GAPVD1: variants seen among roughly 807,000 people sequenced by gnomAD.
GAPVD1 encodes GTPase-activating protein and VPS9 domain-containing protein 1.
A neutral mutation model predicts 155.5 loss-of-function variants in GAPVD1; 35 were observed. That is an observed-to-expected ratio of 0.23 (90% CI 0.17 to 0.30). GAPVD1 has a LOEUF of 0.30. Among genes scored for constraint, GAPVD1 ranks in the 10% least tolerant of loss-of-function variants. The probability of loss-of-function intolerance (pLI) is 1.00; values close to 1 mark genes in which losing one functional copy is unlikely to be tolerated. For missense variants in GAPVD1, 1,429 were observed against 1,775.7 expected, an observed-to-expected ratio of 0.80 and a Z score of 3.51; for synonymous variants, 636 against 619.7, an observed-to-expected ratio of 1.03 and a Z score of -0.39.
intron 2 of GAPVD1, among the ~76,000 whole-genome samples, chr9:125,282,905 AAGT>A (rs1323647370): frequency 6.6e-6 from 1 of 152,124 alleles, no homozygotes; most frequent in Non-Finnish European, 1.5e-5. Flanking sequence ...GAAATTAAGA[AAGT>A]AGGAAATGGT....
At chr9:125,301,607 C>T (rs1014199119) in intron 4 of GAPVD1, among the ~76,000 whole-genome samples, 1 of 151,776 alleles carries the variant, frequency 6.6e-6, no homozygotes, top group Non-Finnish European at 1.5e-5. Context: ...TGCCACCATG[C>T]CTGGCTAATT....
At chr9:125,263,221 G>A (rs1036232079) in intron 1 of GAPVD1, among the ~76,000 whole-genome samples, 4 of 152,172 alleles carry the variant, frequency 2.6e-5, no homozygotes, top group Non-Finnish European at 5.9e-5. Flanking sequence ...AGGCCGAGGC[G>A]GGCGGATCAT....
intron 2 of GAPVD1, among the ~76,000 whole-genome samples, chr9:125,282,651 A>G (rs1160189006): frequency 6.6e-6 from 1 of 152,158 alleles, no homozygotes; most frequent in Non-Finnish European, 1.5e-5. Flanking sequence ...CCTACCTTTT[A>G]ATTGATAAGA....
At position 125,354,538 on chromosome 9, in the gene GAPVD1, A is replaced by G. The variant is rs937482; in HGVS notation, c.3570-116A>G. 0.48 allele frequency: 314,118 copies of G among 651,258 alleles called. 76,799 individuals carry two copies. Among genetic ancestry groups the G allele is most frequent in the South Asian group, 0.54 (27,015 of 50,008 alleles). The allele number at this position is 651,258 out of a possible 1,614,324, so 40.3% of individuals were successfully genotyped here. On this transcript the variant is annotated intron_variant, in intron 23 of 27. Coordinates refer to ENST00000297933, the MANE Select transcript of GAPVD1 (RefSeq NM_001282680.3). ...CTACTGAAGAGAGCACAGACATGCT[A>G]CTTTGTAAAACCAGTCTGTGCAGTA...
intron 2 of GAPVD1, among the ~76,000 whole-genome samples, chr9:125,270,914 A>T (rs552006576): frequency 6.6e-6 from 1 of 152,252 alleles, no homozygotes; most frequent in East Asian, 1.9e-4. Context: ...GTGCCATTGC[A>T]CTCCAGCCTG....
chr9:125,316,238 A>T (rs891799539), intron 9 of GAPVD1, among the ~76,000 whole-genome samples: 2 of 152,056 alleles, frequency 1.3e-5, no homozygotes, highest in African/African-American at 4.8e-5. Flanking sequence ...AAGTTCTGGG[A>T]TACATGTGCA....
chr9:125,290,223 G>A (rs1372685044), intron 2 of GAPVD1, among the ~76,000 whole-genome samples: 2 of 152,088 alleles, frequency 1.3e-5, no homozygotes, highest in Non-Finnish European at 2.9e-5. Flanking sequence ...GAAGCTGAGA[G>A]GGGAAAGTGA....
In GAPVD1 at chr9:125,302,555, C is replaced by T; in HGVS notation, c.758C>T (p.Ser253Phe). Residue 253 changes from serine to phenylalanine, a missense_variant, in exon 5 of 28, where the codon TCC (serine) becomes TTC (phenylalanine). Ser to Phe is a radical substitution (Grantham distance 155). Coordinates refer to ENST00000297933, the MANE Select transcript of GAPVD1 (RefSeq NM_001282680.3). ...CAAAAAGTTCAAGAAATGGTGGAGT[C>T]CAATGAAGCAAAGCTAGTGGCTTTG... ...FRQKVQEMVE[S>F]NEAKLVALVN... 6.2e-7 allele frequency: 1 copy of T among 1,613,690 alleles called. No individual in the cohort carries two copies. Among genetic ancestry groups the T allele is most frequent in the Non-Finnish European group, 8.5e-7 (1 of 1,179,636 alleles).
At chr9:125,350,543 G>A (rs1477507582) in intron 22 of GAPVD1, 139 bp downstream of exon 22, 2 of 710,188 alleles carry the variant, frequency 2.8e-6, no homozygotes, top group Admixed American at 2.7e-5. Context: ...TCACTTAAGG[G>A]CACTTTGATT....
At chr9:125,341,860 A>T in intron 18 of GAPVD1, 1 of 165,518 alleles carries the variant, frequency 6.0e-6, no homozygotes, top group East Asian at 1.8e-4. Context: ...GGTGGCACTC[A>T]GGAACTCTGG....
intron 9 of GAPVD1, among the ~76,000 whole-genome samples, chr9:125,319,711 C>T (rs575843525): frequency 1.5e-4 from 23 of 151,496 alleles, no homozygotes; most frequent in Admixed American, 8.6e-4. Context: ...AAGCGATTCT[C>T]CTGTCTCAGC....
At chr9:125,292,013 G>A (rs2132511002) in intron 2 of GAPVD1, among the ~76,000 whole-genome samples, 1 of 152,180 alleles carries the variant, frequency 6.6e-6, no homozygotes, top group Non-Finnish European at 1.5e-5. Context: ...AGGCTGAGGT[G>A]GGAGGATTGC....
Position 125,307,760 on chromosome 9 carries a change from T to C in GAPVD1, c.1321T>C (p.Leu441=), listed in dbSNP as rs1410964549. The C allele has an allele frequency of 6.2e-6, 10 of 1,613,896 alleles. No homozygotes were observed. Among genetic ancestry groups the C allele is most frequent in the Non-Finnish European group, 8.5e-6 (10 of 1,179,874 alleles). The change falls in exon 8 of 28, where the codon TTG becomes CTG. Residue 441 remains leucine, a synonymous_variant. Transcript: ENST00000297933. ...AGATAGAATGGCTCTTGACAATTTA[T>C]TGGCAAACCTACCCCCGGCCAAGCC... The part of the protein sequence containing the change: ...REDRMALDNL[L]ANLPPAKPGK...
intron 25 of GAPVD1, among the ~76,000 whole-genome samples, chr9:125,357,125 C>G (rs371528999): frequency 2.0e-5 from 3 of 152,148 alleles, no homozygotes; most frequent in African/African-American, 7.2e-5. Context: ...TGGCCTCTCC[C>G]CTGTTCTTAA....
rs183145152 is a variant in GAPVD1 at position 125,363,198 on chromosome 9, C to G, written c.*452C>G. 1 of 152,052 alleles carries G rather than the reference C, an allele frequency of 6.6e-6. No individual in the cohort carries two copies. Among genetic ancestry groups the G allele is most frequent in the South Asian group, 2.1e-4 (1 of 4,804 alleles). 9.4% of individuals were successfully genotyped at this position (152,052 alleles called of 1,614,324 possible). On this transcript the variant is annotated 3_prime_UTR_variant, in exon 28 of 28. Coordinates refer to ENST00000297933, the MANE Select transcript of GAPVD1 (RefSeq NM_001282680.3). ...TGCACTGAGGATTAGAATAGTGGTG[C>G]GTTAGTGGCATTATCTATAAATACA... is the stretch of plus-strand genomic sequence containing the variant.
intron 9 of GAPVD1, among the ~76,000 whole-genome samples, chr9:125,314,788 T>G (rs1413948137): frequency 1.3e-5 from 2 of 150,668 alleles, no homozygotes; most frequent in African/African-American, 4.9e-5. Flanking sequence ...AGTAGCAGCT[T>G]CTTTTTTTTT....
intron 8 of GAPVD1, among the ~76,000 whole-genome samples, chr9:125,311,082 C>T (rs1466125884): frequency 6.6e-6 from 1 of 151,882 alleles, no homozygotes; most frequent in Non-Finnish European, 1.5e-5. Context: ...CTCAGGTGAT[C>T]CACCTGCCTC....
rs1851494330 is a variant in GAPVD1, at chr9:125,366,859, C to A, written c.*4113C>A. The stretch of plus-strand genomic sequence containing the variant: ...GTTGTGGTTGAGCTATGGAGTGACC[C>A]TGGAGCTGCCGCATCCCACAGGCCT... On this transcript the variant is annotated 3_prime_UTR_variant, in exon 28 of 28. Coordinates refer to ENST00000297933, the MANE Select transcript of GAPVD1 (RefSeq NM_001282680.3). The A allele has an allele frequency of 1.3e-5, 2 of 152,192 alleles. No individual in the cohort carries two copies. The highest frequency in any genetic ancestry group is 4.8e-5 in the African/African-American group (2 of 41,444). The allele number at this position is 152,192 out of a possible 1,614,324, so 9.4% of individuals were successfully genotyped here.
At chr9:125,352,925 G>A (rs1272520451) in intron 23 of GAPVD1, among the ~76,000 whole-genome samples, 1 of 151,990 alleles carries the variant, frequency 6.6e-6, no homozygotes, top group Non-Finnish European at 1.5e-5. Flanking sequence ...TGGCTGACAT[G>A]GTGAAACTCT....
Sources: allele counts gnomAD v4.1 joint callset (sites outside exome capture counted in the v4.1 genomes callset), GRCh38; gene constraint gnomAD v4.1.1; transcripts MANE v1.5; gene names NCBI Gene and HGNC (gene_info 2026-07-23, HGNC 2026-07-21).